SGMS1: variants seen among roughly 807,000 people sequenced by gnomAD.
SGMS1 encodes sphingomyelin synthase 1, also known as phosphatidylcholine:ceramide cholinephosphotransferase 1.
SGMS1 carries 13 observed loss-of-function variants against 46.2 expected under a neutral mutation model. The ratio of observed to expected loss-of-function variants is 0.28; its 90% CI spans 0.18 to 0.45. The LOEUF is 0.45. Among genes scored for constraint, SGMS1 ranks in the 20% least tolerant of loss-of-function variants. SGMS1 has a pLI of 1.00. For synonymous variants in SGMS1, 203 were observed against 187.8 expected, an observed-to-expected ratio of 1.08 and a Z score of -0.66; for missense variants, 324 against 519.9, an observed-to-expected ratio of 0.62 and a Z score of 3.66.
chr10:50,575,496 T>C (rs1184752410), intron 2 of SGMS1, among the ~76,000 whole-genome samples: 2 of 152,124 alleles, frequency 1.3e-5, no homozygotes, highest in African/African-American at 4.8e-5. Flanking sequence ...CAGTGAGCTA[T>C]GATGGTGCCA....
chr10:50,357,901 T>C (rs1349281892), intron 6 of SGMS1, among the ~76,000 whole-genome samples: 2 of 152,182 alleles, frequency 1.3e-5, no homozygotes, highest in African/African-American at 4.8e-5. Flanking sequence ...ATGCTGATAA[T>C]GACAAAAGAA....
intron 5 of SGMS1, among the ~76,000 whole-genome samples, chr10:50,450,204 G>T (rs898325848): frequency 1.4e-4 from 22 of 152,132 alleles, no homozygotes; most frequent in Admixed American, 6.6e-5. Flanking sequence ...ATCATTCTGG[G>T]TTATTCTATA....
At chr10:50,558,896 T>C (rs956483456) in intron 2 of SGMS1, among the ~76,000 whole-genome samples, 1 of 152,232 alleles carries the variant, frequency 6.6e-6, no homozygotes, top group Admixed American at 6.5e-5. Flanking sequence ...TAATCAACTG[T>C]TTACATTTTC....
chr10:50,415,323 A>T (rs1339685854), intron 6 of SGMS1, among the ~76,000 whole-genome samples: 1 of 152,236 alleles, frequency 6.6e-6, no homozygotes, highest in Admixed American at 6.5e-5. Flanking sequence ...AATGTGATCT[A>T]CAATTCTGCT....
chr10:50,464,976 T>A (rs911915442), intron 4 of SGMS1, among the ~76,000 whole-genome samples: 1 of 152,204 alleles, frequency 6.6e-6, no homozygotes, highest in Non-Finnish European at 1.5e-5. Flanking sequence ...AGACTCCAGA[T>A]AAGGCTGAAA....
intron 5 of SGMS1, among the ~76,000 whole-genome samples, chr10:50,444,937 G>GA (rs554215198): frequency 1.1e-3 from 165 of 152,110 alleles, no homozygotes; most frequent in Middle Eastern, 6.8e-3. Flanking sequence ...CCACCAACTG[G>GA]AAAAAATTCA....
chr10:50,533,326 GT>G (rs371797836), intron 2 of SGMS1, among the ~76,000 whole-genome samples: 5 of 151,920 alleles, frequency 3.3e-5, no homozygotes, highest in African/African-American at 1.2e-4. Context: ...GGATTAAAGG[GT>G]TTTTTTCCCC....
chr10:50,337,907 C>T (rs1847742793), intron 7 of SGMS1, among the ~76,000 whole-genome samples: 1 of 151,500 alleles, frequency 6.6e-6, no homozygotes, highest in African/African-American at 2.4e-5. Context: ...CCAAAGTGAC[C>T]TCCAAACATG....
intron 1 of SGMS1, among the ~76,000 whole-genome samples, chr10:50,595,259 T>A (rs1158780529): frequency 6.6e-6 from 1 of 151,886 alleles, no homozygotes; most frequent in Non-Finnish European, 1.5e-5. Flanking sequence ...CACTGCCACC[T>A]CCACCTCCCA....
intron 2 of SGMS1, among the ~76,000 whole-genome samples, chr10:50,563,314 C>T (rs550516296): frequency 6.6e-6 from 1 of 152,336 alleles, no homozygotes; most frequent in East Asian, 1.9e-4. Context: ...ACAGGGCAAA[C>T]GGTCTTGTAG....
intron 9 of SGMS1, 38 bp downstream of exon 9, chr10:50,311,224 C>A: frequency 6.3e-7 from 1 of 1,591,566 alleles, no homozygotes. Context: ...TGAGAAATGG[C>A]AGGTGAGGAA....
chr10:50,616,583 T>C (rs1838799911), intron 1 of SGMS1, among the ~76,000 whole-genome samples: 1 of 152,186 alleles, frequency 6.6e-6, no homozygotes, highest in Non-Finnish European at 1.5e-5. Flanking sequence ...GGGGGTGTTG[T>C]TATTCCAGTT....
intron 8 of SGMS1, among the ~76,000 whole-genome samples, chr10:50,320,101 G>A (rs1847416095): frequency 6.6e-6 from 1 of 152,090 alleles, no homozygotes; most frequent in African/African-American, 2.4e-5. Context: ...AATGCTTTCT[G>A]ACTCTGGTTA....
Position 50,568,176 on chromosome 10 carries a change from A to G in SGMS1, c.-589+21977T>C, listed in dbSNP as rs555351484. Among the ~76,000 whole-genome samples, 31 of 152,348 alleles carry G rather than the reference A, an allele frequency of 2.0e-4. No homozygotes were observed. In the East Asian group the frequency reaches 5.8e-3, roughly 28 times the overall value. On this transcript the variant is annotated intron_variant, in intron 2 of 10. Transcript: ENST00000361781. Reference sequence around the variant, plus strand: ...TACCATAAGAGCAATATTTTTAAACAGGTGCATGTATACATTTTTATTTCT... The same window carrying G: ...TACCATAAGAGCAATATTTTTAAACGGGTGCATGTATACATTTTTATTTCT...
At position 50,525,215 on chromosome 10, in the gene SGMS1, G is replaced by A. The variant is rs578259667; in HGVS notation, c.-588-5294C>T. Among the ~76,000 whole-genome samples the A allele has an allele frequency of 3.4e-4, 52 of 152,310 alleles. 2 individuals are homozygous for A. Among genetic ancestry groups the A allele is most frequent in the Non-Finnish European group, 2.1e-4 (14 of 68,018 alleles). On this transcript the variant is annotated intron_variant, in intron 2 of 10. Transcript: ENST00000361781. The stretch of plus-strand genomic sequence containing the variant: ...GTAACAAATAGCATCCTCTATTGGA[G>A]TTACATGTTGGCTCCTACACAAATT...
intron 8 of SGMS1, among the ~76,000 whole-genome samples, chr10:50,317,468 G>A (rs1429067815): frequency 6.6e-6 from 1 of 152,098 alleles, no homozygotes; most frequent in Non-Finnish European, 1.5e-5. Context: ...CAGTACATGA[G>A]GTCACACAGA....
In SGMS1 at chr10:50,615,233, A is replaced by G. The variant is rs571543533; in HGVS notation, c.-684+8474T>C. ...AAAAAGCCATTCTATAAATTTGTAC[A>G]GCCTCCAACCAGGTCTTTCCGGACA... On this transcript the variant is annotated intron_variant, in intron 1 of 10. Transcript: ENST00000361781. Among the ~76,000 whole-genome samples the G allele has an allele frequency of 2.9e-3, 435 of 152,318 alleles. 3 individuals carry two copies. The highest frequency in any genetic ancestry group is 0.013 in the South Asian group (64 of 4,832).
intron 6 of SGMS1, among the ~76,000 whole-genome samples, chr10:50,410,386 A>G (rs2133567690): frequency 6.6e-6 from 1 of 152,210 alleles, no homozygotes; most frequent in South Asian, 2.1e-4. Context: ...AGTCTTGCAA[A>G]TTTATAAATA....
chr10:50,396,013 A>T (rs1014901438), intron 6 of SGMS1, among the ~76,000 whole-genome samples: 2 of 152,208 alleles, frequency 1.3e-5, no homozygotes, highest in Non-Finnish European at 2.9e-5. Context: ...CCGATTCATC[A>T]TTCATCTGAG....
Sources: gnomAD v4.1 joint callset for allele counts (sites outside exome capture counted in the v4.1 genomes callset) on GRCh38, gnomAD v4.1.1 for gene constraint, MANE v1.5 for transcripts, NCBI Gene and HGNC (gene_info 2026-07-23, HGNC 2026-07-21) for gene names.